The following PHLPP2 variants were observed in gnomAD, a reference collection of about 807,000 sequenced individuals.
PHLPP2 encodes the protein PH domain and leucine rich repeat protein phosphatase 2.
A neutral mutation model predicts 124.9 loss-of-function variants in PHLPP2; 66 were observed. The observed-to-expected ratio is 0.53, with a 90% CI of 0.43 to 0.65. PHLPP2 has a LOEUF of 0.65. Ranked by LOEUF, PHLPP2 falls within the 30% of genes least tolerant of loss-of-function variation. PHLPP2 has a pLI of 0.00. For synonymous variants in PHLPP2, 681 were observed against 624.7 expected (o/e 1.09, Z -1.34); for missense variants, 1,685 against 1,600.4 (o/e 1.05, Z -0.90).
chr16:71,654,001 C>T (rs1015456158), intron 17 of PHLPP2, among the ~76,000 whole-genome samples: 2 of 152,050 alleles, frequency 1.3e-5, no homozygotes, highest in Admixed American at 6.6e-5. Context: ...CGAGACCATC[C>T]TGGCTAACAC....
At chr16:71,710,719 G>A (rs1056578059) in intron 2 of PHLPP2, among the ~76,000 whole-genome samples, 3 of 152,170 alleles carry the variant, frequency 2.0e-5, no homozygotes, top group African/African-American at 7.2e-5. Flanking sequence ...AAGCCCCACA[G>A]GTGGACAGTT....
chr16:71,702,564 T>G, intron 3 of PHLPP2, 34 bp downstream of exon 3: 1 of 1,573,200 alleles, frequency 6.4e-7, no homozygotes, highest in Non-Finnish European at 8.7e-7. Flanking sequence ...AACCTAAAAG[T>G]AGTTAACATA....
In PHLPP2 at chr16:71,647,679, C is replaced by T. The variant is rs2052585; in HGVS notation, c.*1211G>A. 6 of 152,140 alleles carry T rather than the reference C, an allele frequency of 3.9e-5. No homozygotes were observed. Among genetic ancestry groups the T allele is most frequent in the Non-Finnish European group, 5.9e-5 (4 of 68,028 alleles). 9.4% of individuals were successfully genotyped at this position (152,140 alleles called of 1,614,324 possible). Reference sequence around the variant, plus strand: ...AATTCCTCCACATGCTAGGGAAAGACGCCAATCCCTAAATTTCCCTGGGAA... The same window carrying T: ...AATTCCTCCACATGCTAGGGAAAGATGCCAATCCCTAAATTTCCCTGGGAA... On this transcript the variant is annotated 3_prime_UTR_variant, in exon 19 of 19. Coordinates refer to ENST00000568954, the MANE Select transcript of PHLPP2 (RefSeq NM_015020.3).
chr16:71,650,243 G>C (rs564001363), intron 18 of PHLPP2, among the ~76,000 whole-genome samples, 199 bp from the exon 19 acceptor site: 2 of 152,252 alleles, frequency 1.3e-5, no homozygotes, highest in South Asian at 4.2e-4. Flanking sequence ...GGTTACTATA[G>C]AGCCAAGTAA....
chr16:71,647,646 T>G lies in PHLPP2; in HGVS notation c.*1244A>C, dbSNP rs922060571. 5 of 152,274 alleles carry G rather than the reference T, an allele frequency of 3.3e-5. No homozygotes were observed. The highest frequency in any genetic ancestry group is 3.3e-4 in the Admixed American group (5 of 15,286). The allele number at this position is 152,274 out of a possible 1,614,324, so 9.4% of individuals were successfully genotyped here. ...CCCCCGCTCCCCGCCCTTAGGAAGC[T>G]GTCTGCCAATTCCTCCACATGCTAG... On this transcript the variant is annotated 3_prime_UTR_variant, in exon 19 of 19. Transcript: ENST00000568954.
At chr16:71,694,229 G>A (rs2045144907) in intron 3 of PHLPP2, among the ~76,000 whole-genome samples, 1 of 151,382 alleles carries the variant, frequency 6.6e-6, no homozygotes, top group Non-Finnish European at 1.5e-5. Flanking sequence ...TTTTAAAATT[G>A]ACTGGCTGGA....
chr16:71,676,673 T>C (rs1337240099), intron 8 of PHLPP2, 24 bp from the exon 9 acceptor site: 2 of 1,496,850 alleles, frequency 1.3e-6, no homozygotes, highest in East Asian at 2.3e-5. Flanking sequence ...AACAAGAAAA[T>C]AATCATAAAT....
intron 2 of PHLPP2, among the ~76,000 whole-genome samples, chr16:71,712,127 A>C (rs989983767): frequency 1.3e-5 from 2 of 152,260 alleles, no homozygotes; most frequent in Non-Finnish European, 2.9e-5. Flanking sequence ...GGATTTAATG[A>C]GAAAATGTGC....
chr16:71,689,273 T>C lies in PHLPP2; in HGVS notation c.609+1246A>G, dbSNP rs190762628. Among the ~76,000 whole-genome samples the C allele has an allele frequency of 3.7e-3, 568 of 151,682 alleles. 2 individuals are homozygous for C. The highest frequency in any genetic ancestry group is 0.027 in the Middle Eastern group (8 of 292). On this transcript the variant is annotated intron_variant, in intron 4 of 18. Coordinates refer to ENST00000568954, the MANE Select transcript of PHLPP2 (RefSeq NM_015020.3). ...TCTGTCACATAAGGCTAGGATACGG[T>C]AGCACGATCACAGCTCACAGCAACT...
chr16:71,692,119 G>A (rs1306180341), intron 3 of PHLPP2, among the ~76,000 whole-genome samples: 1 of 151,892 alleles, frequency 6.6e-6, no homozygotes, highest in Non-Finnish European at 1.5e-5. Context: ...GCCCAGGTTG[G>A]AGTGCAGTGG....
Position 71,702,640 on chromosome 16 carries a change from C to T in PHLPP2, c.376G>A (p.Ala126Thr). Residue 126 changes from alanine to threonine, a missense_variant, in exon 3 of 19, where the codon GCT (alanine) becomes ACT (threonine). Coordinates refer to ENST00000568954, the MANE Select transcript of PHLPP2 (RefSeq NM_015020.3). ...ATACAGCCGAGGTCAGGATTTGTAG[C>T]CTCCTCCTGTATGCGCACAGGATCA... ...FDDPVRIQEE[A>T]TNPDLGCMIR... is the part of the protein sequence containing the mutation. The T allele has an allele frequency of 6.2e-7, 1 of 1,610,676 alleles. No individual in the cohort carries two copies.
intron 3 of PHLPP2, among the ~76,000 whole-genome samples, chr16:71,696,535 G>C (rs2045172781): frequency 6.6e-6 from 1 of 151,786 alleles, no homozygotes; most frequent in Non-Finnish European, 1.5e-5. Context: ...TACTTGGGAG[G>C]CTGAGGCATG....
In PHLPP2 at chr16:71,676,489, G is replaced by A. The variant is rs755443840; in HGVS notation, c.1429C>T (p.Leu477Phe). The A allele has an allele frequency of 1.9e-6, 3 of 1,614,180 alleles. No individual in the cohort carries two copies. In the South Asian group the frequency reaches 3.3e-5, roughly 18 times the overall value. ...CGRNQLRELT[L>F]SGFSLRTLYA... ...AGGGTCCGAAGGGAAAAGCCACTGAGTGTTAGCTCCCTCAGCTGATTCCGC... is the reference window on the plus strand; with the variant it reads ...AGGGTCCGAAGGGAAAAGCCACTGAATGTTAGCTCCCTCAGCTGATTCCGC... The change falls in exon 9 of 19, where the codon CTC (leucine) becomes TTC (phenylalanine). Residue 477 changes from leucine to phenylalanine, a missense_variant. Coordinates refer to ENST00000568954, the MANE Select transcript of PHLPP2 (RefSeq NM_015020.3).
At chr16:71,675,066 G>T (rs2044933734) in intron 9 of PHLPP2, among the ~76,000 whole-genome samples, 1 of 152,094 alleles carries the variant, frequency 6.6e-6, no homozygotes, top group African/African-American at 2.4e-5. Flanking sequence ...TGCACATGTG[G>T]GTGTCTTTGG....
chr16:71,646,096 G>A lies in PHLPP2; in HGVS notation c.*2794C>T. 6.6e-6 allele frequency: 1 copy of A among 152,620 alleles called. No individual in the cohort carries two copies. The highest frequency in any genetic ancestry group is 1.9e-4 in the East Asian group (1 of 5,206). The allele number at this position is 152,620 out of a possible 1,614,324, so 9.5% of individuals were successfully genotyped here. A position where few individuals can be genotyped will look rare whatever the true frequency, so the allele number is the denominator to read the frequency against. Reference sequence around the variant, plus strand: ...ATCAACTGTACTCTGCCCACCTGGGGAACACATCCTCTGGGTAAAGTACTC... The same window carrying A: ...ATCAACTGTACTCTGCCCACCTGGGAAACACATCCTCTGGGTAAAGTACTC... On this transcript the variant is annotated 3_prime_UTR_variant, in exon 19 of 19. Transcript: ENST00000568954.
intron 8 of PHLPP2, chr16:71,677,660 A>T (rs1355512732): frequency 6.6e-6 from 1 of 151,160 alleles, no homozygotes; most frequent in Non-Finnish European, 1.5e-5. Flanking sequence ...TACTGTCTTT[A>T]CAAGCTACAT....
Position 71,671,786 on chromosome 16 carries a change from C to T in PHLPP2, c.1532+476G>A, listed in dbSNP as rs749077225. ...AAAATTAGCCAGGCGTGGTGGTGGGCGCCTTTAGTCCCAGCTACTCGGGAG... is the reference window on the plus strand; with the variant it reads ...AAAATTAGCCAGGCGTGGTGGTGGGTGCCTTTAGTCCCAGCTACTCGGGAG... On this transcript the variant is annotated intron_variant, in intron 10 of 18. Transcript: ENST00000568954. Among the ~76,000 whole-genome samples, 63 of 151,818 alleles carry T rather than the reference C, an allele frequency of 4.1e-4. 1 individual carries two copies. Among genetic ancestry groups the T allele is most frequent in the African/African-American group, 1.5e-3 (62 of 41,400 alleles).
rs751206937 is a variant in PHLPP2, at chr16:71,648,917, G to A, written c.3945C>T (p.Pro1315=). 6.2e-7 allele frequency: 1 copy of A among 1,612,642 alleles called. No individual in the cohort carries two copies. The highest frequency in any genetic ancestry group is 8.5e-7 in the Non-Finnish European group (1 of 1,179,988). ...ATAGTGCTGTGTCGAACTCCTCCGG[G>A]GGCTCGGTCCGATCCTCTTCATGGG... ...PEPHEEDRTE[P]PEEFDTAL is the part of the protein sequence containing the mutation. Residue 1315 remains proline (P), a synonymous_variant, in exon 19 of 19, where the codon CCC becomes CCT. Transcript: ENST00000568954.
chr16:71,692,725 A>C (rs985402008), intron 3 of PHLPP2, among the ~76,000 whole-genome samples: 1 of 152,214 alleles, frequency 6.6e-6, no homozygotes, highest in African/African-American at 2.4e-5. Flanking sequence ...TAACCTACGC[A>C]CAACTTCCTG....
Sources: gnomAD v4.1 joint callset for allele counts (sites outside exome capture counted in the v4.1 genomes callset) on GRCh38, gnomAD v4.1.1 for gene constraint, MANE v1.5 for transcripts, NCBI Gene and HGNC (gene_info 2026-07-23, HGNC 2026-07-21) for gene names.